Variants in SCN2A observed in about 807,000 individuals in gnomAD.
SCN2A encodes the protein sodium channel protein type 2 subunit alpha.
A neutral mutation model predicts 188.7 loss-of-function variants in SCN2A; 20 were observed. The ratio of observed to expected loss-of-function variants is 0.11; its 90% CI spans 0.07 to 0.15. SCN2A has a LOEUF of 0.15. Among genes scored for constraint, SCN2A ranks in the 10% least tolerant of loss-of-function variants. SCN2A has a pLI of 1.00. For synonymous variants in SCN2A, 804 were observed against 833.1 expected, an observed-to-expected ratio of 0.97 and a Z score of 0.60; for missense variants, 1,278 against 2,445.0, an observed-to-expected ratio of 0.52 and a Z score of 10.07.
chr2:165,357,923 A>G (rs966560739), intron 17 of SCN2A, among the ~76,000 whole-genome samples: 1 of 152,124 alleles, frequency 6.6e-6, no homozygotes, highest in Non-Finnish European at 1.5e-5. Context: ...ACTGGCCTGC[A>G]TGTTACTCAG....
chr2:165,339,145 C>T (rs1056347831), intron 14 of SCN2A, among the ~76,000 whole-genome samples: 3 of 151,612 alleles, frequency 2.0e-5, no homozygotes, highest in Admixed American at 1.3e-4. Flanking sequence ...TGCTTGAACC[C>T]GGGAGGCGGA....
At chr2:165,242,423 G>C (rs530549495) in intron 1 of SCN2A, among the ~76,000 whole-genome samples, 1 of 152,204 alleles carries the variant, frequency 6.6e-6, no homozygotes, top group South Asian at 2.1e-4. Context: ...ATAGGGATCA[G>C]AAACAATAGA....
intron 11 of SCN2A, among the ~76,000 whole-genome samples, chr2:165,322,603 A>G (rs1162412239): frequency 6.6e-6 from 1 of 152,214 alleles, no homozygotes; most frequent in African/African-American, 2.4e-5. Flanking sequence ...ATCATAAAAT[A>G]TGCAAAGGGA....
intron 20 of SCN2A, chr2:165,371,890 A>G (rs1365840009): frequency 6.6e-6 from 1 of 152,202 alleles, no homozygotes; most frequent in African/African-American, 2.4e-5. Flanking sequence ...GATTGCTGCA[A>G]TGTCCCAGAA....
At chr2:165,314,178 G>A (rs751854197) in intron 10 of SCN2A, 70 bp downstream of exon 10, 2 of 1,486,744 alleles carry the variant, frequency 1.3e-6, no homozygotes, top group Non-Finnish European at 1.8e-6. Flanking sequence ...GTTGAGGTCA[G>A]TGGCAAGGTA....
chr2:165,341,251 G>T (rs569127414), intron 14 of SCN2A, among the ~76,000 whole-genome samples: 2 of 152,040 alleles, frequency 1.3e-5, no homozygotes, highest in African/African-American at 4.8e-5. Flanking sequence ...CCGCCACCGC[G>T]CCCGGCTAAT....
chr2:165,261,234 C>A (rs1205057470), intron 1 of SCN2A, among the ~76,000 whole-genome samples: 1 of 152,084 alleles, frequency 6.6e-6, no homozygotes, highest in Admixed American at 6.6e-5. Context: ...ATATAGAGAG[C>A]CAACTATACT....
chr2:165,317,390 GA>G (rs1033802833), intron 11 of SCN2A, among the ~76,000 whole-genome samples: 23 of 150,402 alleles, frequency 1.5e-4, no homozygotes, highest in African/African-American at 5.6e-4. Flanking sequence ...AGAGAGAGAG[GA>G]AAAAAGGGAG....
intron 17 of SCN2A, among the ~76,000 whole-genome samples, chr2:165,356,713 C>T (rs925693311): frequency 6.6e-6 from 1 of 152,160 alleles, no homozygotes; most frequent in African/African-American, 2.4e-5. Flanking sequence ...ATCCAGTCTT[C>T]TTAACTTTAA....
At chr2:165,331,967 A>G (rs1559368472) in intron 14 of SCN2A, among the ~76,000 whole-genome samples, 1 of 152,054 alleles carries the variant, frequency 6.6e-6, no homozygotes, top group Non-Finnish European at 1.5e-5. Flanking sequence ...GTACTTGAAG[A>G]TGGACTATGT....
rs951196379 is a variant in SCN2A, at chr2:165,365,249, C to A, written c.3506C>A (p.Ala1169Asp). 1.9e-6 allele frequency: 3 copies of A among 1,613,800 alleles called. No individual in the cohort carries two copies. Among genetic ancestry groups the A allele is most frequent in the South Asian group, 1.1e-5 (1 of 91,056 alleles). ...VEPEESLEPE[A>D]CFTEDCVRKF... ...CCTGAGGAATCCCTTGAACCTGAAGCCTGTTTTACAGAAGGTAAGCAAAAC... is the reference window on the plus strand; with the variant it reads ...CCTGAGGAATCCCTTGAACCTGAAGACTGTTTTACAGAAGGTAAGCAAAAC... The change falls in exon 18 of 27, where the codon GCC becomes GAC. Residue 1169 changes from alanine to aspartate, a missense_variant. By Grantham distance (126) the Ala-to-Asp change is moderately radical. This residue lies in a region of SCN2A where 228 missense variants were observed against 297.3 expected (regional missense o/e 0.77). Coordinates refer to ENST00000375437, the MANE Select transcript of SCN2A (RefSeq NM_001040142.2).
intron 17 of SCN2A, among the ~76,000 whole-genome samples, chr2:165,359,853 A>C (rs1462070168): frequency 2.6e-5 from 4 of 152,046 alleles, no homozygotes; most frequent in African/African-American, 9.7e-5. Flanking sequence ...ACATCATGAC[A>C]TAAGAGTTCC....
chr2:165,344,100 A>G (rs1374113447), intron 15 of SCN2A, among the ~76,000 whole-genome samples: 7 of 152,150 alleles, frequency 4.6e-5, no homozygotes, highest in African/African-American at 1.7e-4. Context: ...ATTAATCTGA[A>G]ATATCTTAAT....
intron 17 of SCN2A, among the ~76,000 whole-genome samples, 171 bp from the exon 18 acceptor site, chr2:165,364,972 A>G (rs983437723): frequency 6.6e-6 from 1 of 152,078 alleles, no homozygotes; most frequent in Non-Finnish European, 1.5e-5. Context: ...TGTTGTATCT[A>G]ATCTTGTGAC....
At chr2:165,370,002 G>A in intron 19 of SCN2A, 124 bp from the exon 20 acceptor site, 1 of 768,448 alleles carries the variant, frequency 1.3e-6, no homozygotes, top group Non-Finnish European at 2.1e-6. Context: ...ATTCAGCCAT[G>A]GGAAACATTA....
At chr2:165,291,493 T>TC (rs1351118747) in intron 1 of SCN2A, among the ~76,000 whole-genome samples, 10,155 of 32,782 alleles carry the variant, frequency 0.31, 1,338 homozygotes, top group Middle Eastern at 0.48. Context: ...TTTCTTTCTT[T>TC]TCTTTCTTTC....
At chr2:165,384,392 C>T (rs974519293) in intron 25 of SCN2A, among the ~76,000 whole-genome samples, 5 of 152,078 alleles carry the variant, frequency 3.3e-5, no homozygotes, top group Admixed American at 3.3e-4. Context: ...CAGAATTATA[C>T]ATCTTGTTCC....
chr2:165,342,223 A>G (rs1699356670), intron 14 of SCN2A, 73 bp from the exon 15 acceptor site: 1 of 1,405,974 alleles, frequency 7.1e-7, no homozygotes. Context: ...TGTTGGGAGT[A>G]AATTAAGTTG....
intron 3 of SCN2A, among the ~76,000 whole-genome samples, chr2:165,305,912 C>T (rs764801956): frequency 1.3e-5 from 2 of 151,902 alleles, no homozygotes; most frequent in Non-Finnish European, 1.5e-5. Context: ...ACAAGGGAGA[C>T]GTAAGCAAGT....
Sources: allele counts gnomAD v4.1 joint callset (sites outside exome capture counted in the v4.1 genomes callset), GRCh38; gene constraint gnomAD v4.1.1; regional missense constraint gnomAD v4.1.1; transcripts MANE v1.5; gene names NCBI Gene and HGNC (gene_info 2026-07-23, HGNC 2026-07-21).